Variants in EMSY observed in about 807,000 individuals in gnomAD.
The protein encoded by EMSY is EMSY transcriptional repressor, BRCA2 interacting, also known as BRCA2-interacting transcriptional repressor EMSY.
A neutral mutation model predicts 134.6 loss-of-function variants in EMSY; 26 were observed. The ratio of observed to expected loss-of-function variants is 0.19; its 90% CI spans 0.14 to 0.27. The LOEUF is 0.27. EMSY is among the 10% of genes least tolerant of loss of function. The pLI, the probability that EMSY is intolerant of heterozygous loss-of-function variation, is 1.00. For synonymous variants in EMSY, 579 were observed against 577.8 expected, an observed-to-expected ratio of 1.00 and a Z score of -0.03; for missense variants, 1,305 against 1,611.4, an observed-to-expected ratio of 0.81 and a Z score of 3.26.
At chr11:76,522,431 A>C (rs1015640117) in intron 11 of EMSY, among the ~76,000 whole-genome samples, 6 of 128,562 alleles carry the variant, frequency 4.7e-5, no homozygotes, top group African/African-American at 1.5e-4. Context: ...GCAGTGGCGC[A>C]ATCTCAGCTC....
At chr11:76,519,342 G>C (rs1950567371) in intron 11 of EMSY, among the ~76,000 whole-genome samples, 1 of 152,124 alleles carries the variant, frequency 6.6e-6, no homozygotes, top group East Asian at 1.9e-4. Flanking sequence ...TGGTATTATA[G>C]GCGTCAGTTA....
exon 8 of EMSY, chr11:76,472,638 A>G (rs1177990425): frequency 6.2e-7 from 1 of 1,614,150 alleles, no homozygotes; most frequent in Admixed American, 1.7e-5. Context: ...ACTATGCAGC[A>G]GTCACTAAGC....
downstream of EMSY, chr11:76,552,274 AAAC>A (rs1358839610): frequency 6.6e-6 from 1 of 152,190 alleles, no homozygotes; most frequent in East Asian, 1.9e-4. Context: ...TGAAGTTTAT[AAAC>A]AGGGCTTCCT....
At chr11:76,547,928 T>G (rs1241099971) in intron 20 of EMSY, among the ~76,000 whole-genome samples, 2 of 152,104 alleles carry the variant, frequency 1.3e-5, no homozygotes, top group African/African-American at 4.8e-5. Context: ...GACAGCAGAG[T>G]GATTAACAAC....
intron 11 of EMSY, among the ~76,000 whole-genome samples, chr11:76,518,263 G>T (rs1950518638): frequency 6.6e-6 from 1 of 150,916 alleles, no homozygotes; most frequent in South Asian, 2.1e-4. Flanking sequence ...AGCCTCCTGG[G>T]CTCAAGCAAT....
chr11:76,532,793 C>CT (rs1379218985), intron 14 of EMSY, among the ~76,000 whole-genome samples: 4 of 152,182 alleles, frequency 2.6e-5, no homozygotes, highest in Non-Finnish European at 5.9e-5. Context: ...AAAGACATTG[C>CT]TTTGAGTAAG....
chr11:76,452,599 A>G (rs1241462293), intron 3 of EMSY, among the ~76,000 whole-genome samples: 2 of 152,228 alleles, frequency 1.3e-5, no homozygotes, highest in Non-Finnish European at 2.9e-5. Flanking sequence ...ATAGTATGGA[A>G]TACAATTTGA....
At chr11:76,486,893 G>A (rs1261721482) in intron 8 of EMSY, among the ~76,000 whole-genome samples, 2 of 152,152 alleles carry the variant, frequency 1.3e-5, no homozygotes, top group Non-Finnish European at 2.9e-5. Flanking sequence ...TCTTACTGAA[G>A]GACTAGAGCA....
exon 13 of EMSY, chr11:76,526,522 A>G (rs775805310): frequency 6.2e-7 from 1 of 1,613,904 alleles, no homozygotes; most frequent in Non-Finnish European, 8.5e-7. Context: ...TACTGCTACA[A>G]GACCCATCAC....
chr11:76,530,691 G>T (rs1253360512), intron 14 of EMSY, among the ~76,000 whole-genome samples: 1 of 152,114 alleles, frequency 6.6e-6, no homozygotes, highest in Non-Finnish European at 1.5e-5. Flanking sequence ...TTTATAATCT[G>T]CCCCTCCCCT....
chr11:76,465,404 G>A (rs1948308179), intron 7 of EMSY, among the ~76,000 whole-genome samples: 1 of 152,090 alleles, frequency 6.6e-6, no homozygotes, highest in Non-Finnish European at 1.5e-5. Context: ...AGAAAACAAT[G>A]TATTTATTTT....
At chr11:76,465,506 A>G (rs1948313225) in intron 7 of EMSY, among the ~76,000 whole-genome samples, 2 of 150,598 alleles carry the variant, frequency 1.3e-5, no homozygotes. Flanking sequence ...TATTTTCTTT[A>G]TCATTTAATT....
At chr11:76,547,663 T>G (rs1218231246) in intron 20 of EMSY, among the ~76,000 whole-genome samples, 1 of 152,256 alleles carries the variant, frequency 6.6e-6, no homozygotes, top group Non-Finnish European at 1.5e-5. Context: ...ATAGTTGTTG[T>G]CTAACAGATG....
In EMSY at chr11:76,447,016, GT is replaced by G; in HGVS notation, c.70+10del. 1 of 1,612,806 alleles carries G rather than the reference GT, an allele frequency of 6.2e-7. No homozygotes were observed. Among genetic ancestry groups the G allele is most frequent in the Non-Finnish European group, 8.5e-7 (1 of 1,179,316 alleles). ...GAATTCTTCGAAAATTGGGTATGAC[GT>G]TCATTGTTTGTTTTTTACCTCTCTC... is the stretch of plus-strand genomic sequence containing the variant. On this transcript the variant is annotated intron_variant, in intron 2 of 20. Coordinates refer to ENST00000334736, the Ensembl canonical transcript of EMSY.
chr11:76,492,345 G>A (rs1169092420), intron 8 of EMSY, among the ~76,000 whole-genome samples: 1 of 152,046 alleles, frequency 6.6e-6, no homozygotes, highest in Non-Finnish European at 1.5e-5. Context: ...ATGGTGGTGC[G>A]TGCCTCTAAT....
chr11:76,485,545 C>T (rs936761092), intron 8 of EMSY, among the ~76,000 whole-genome samples: 1 of 152,110 alleles, frequency 6.6e-6, no homozygotes, highest in African/African-American at 2.4e-5. Flanking sequence ...TGGAACGTAC[C>T]TCAAAATAAT....
intron 2 of EMSY, among the ~76,000 whole-genome samples, chr11:76,448,848 A>G (rs558639429): frequency 9.9e-5 from 15 of 152,256 alleles, no homozygotes; most frequent in African/African-American, 3.1e-4. Context: ...ATAGTTATAA[A>G]TCATTTTAAT....
chr11:76,511,225 A>G (rs771944995), intron 9 of EMSY, among the ~76,000 whole-genome samples: 5 of 152,134 alleles, frequency 3.3e-5, no homozygotes, highest in Admixed American at 6.5e-5. Flanking sequence ...AAATTTGTCT[A>G]TTTACATTTT....
At chr11:76,506,937 C>G (rs1468999437) in intron 9 of EMSY, among the ~76,000 whole-genome samples, 1 of 152,126 alleles carries the variant, frequency 6.6e-6, no homozygotes, top group Non-Finnish European at 1.5e-5. Flanking sequence ...CTGGAAACAA[C>G]CTTACAGGGG....
Sources: gnomAD v4.1 joint callset for allele counts (sites outside exome capture counted in the v4.1 genomes callset) on GRCh38, gnomAD v4.1.1 for gene constraint, MANE v1.5 for transcripts, NCBI Gene and HGNC (gene_info 2026-07-23, HGNC 2026-07-21) for gene names.